ITPR2: variants seen among roughly 807,000 people sequenced by gnomAD.
The protein encoded by ITPR2 is inositol 1,4,5-trisphosphate receptor type 2, also known as inositol 1,4,5-trisphosphate-gated calcium channel ITPR2.
ITPR2 carries 207 observed loss-of-function variants against 317.1 expected under a neutral mutation model. The ratio of observed to expected loss-of-function variants is 0.65; its 90% CI spans 0.58 to 0.73. The LOEUF is 0.73. Among genes scored for constraint, ITPR2 ranks in the 30% least tolerant of loss-of-function variants. The probability of loss-of-function intolerance (pLI) is 0.00; values close to 1 mark genes in which losing one functional copy is unlikely to be tolerated. For synonymous variants in ITPR2, 1,156 were observed against 1,149.1 expected (o/e 1.01, Z -0.12); for missense variants, 2,613 against 3,284.0 (o/e 0.80, Z 4.99).
intron 37 of ITPR2, among the ~76,000 whole-genome samples, chr12:26,499,225 T>G (rs1384662950): frequency 6.6e-6 from 1 of 152,222 alleles, no homozygotes; most frequent in African/African-American, 2.4e-5. Context: ...TAAATTCTCT[T>G]CGGCAGATAT....
chr12:26,505,734 G>C (rs1361754748), intron 37 of ITPR2, among the ~76,000 whole-genome samples: 3 of 151,830 alleles, frequency 2.0e-5, no homozygotes, highest in Non-Finnish European at 4.4e-5. Context: ...CCAACACCTA[G>C]CCCCAAAGCT....
chr12:26,487,674 A>G (rs937019305), intron 39 of ITPR2, among the ~76,000 whole-genome samples: 6 of 152,324 alleles, frequency 3.9e-5, no homozygotes, highest in Middle Eastern at 3.4e-3. Flanking sequence ...ACCAACAACA[A>G]TCCTTGTTCT....
chr12:26,805,339 T>C (rs1476543771), intron 1 of ITPR2, among the ~76,000 whole-genome samples: 5 of 152,342 alleles, frequency 3.3e-5, no homozygotes, highest in African/African-American at 4.8e-5. Context: ...TACAAAGTTA[T>C]ATGCAATAAA....
chr12:26,452,245 G>GT lies in ITPR2; in HGVS notation c.6343-8596dup, dbSNP rs35964202. On this transcript the variant is annotated intron_variant, in intron 45 of 56. Coordinates refer to ENST00000381340, the MANE Select transcript of ITPR2 (RefSeq NM_002223.4). Reference sequence around the variant, plus strand: ...TGGATTCCCTTCTGAAAATCCACCAGTTTTTTTTTTTAAACCAAAATTAAA... The same window carrying GT: ...TGGATTCCCTTCTGAAAATCCACCAGTTTTTTTTTTTTAAACCAAAATTAAA... Among the ~76,000 whole-genome samples the GT allele has an allele frequency of 1.1e-3, 158 of 146,114 alleles. 2 individuals are homozygous for GT. The highest frequency in any genetic ancestry group is 1.6e-3 in the East Asian group (8 of 5,076).
chr12:26,439,379 T>C (rs2136728688), intron 46 of ITPR2, 60 bp from the exon 47 acceptor site: 1 of 1,251,886 alleles, frequency 8.0e-7, no homozygotes. Flanking sequence ...TAGACTTGCT[T>C]TTGTTTTTAA....
Position 26,628,102 on chromosome 12 carries a change from C to A in ITPR2, c.2995G>T (p.Glu999Ter), listed in dbSNP as rs780124610. Residue 999 changes from glutamate (E) to a stop codon, truncating the protein, a stop_gained, in exon 23 of 57, where the codon GAG becomes TAG. Coordinates refer to ENST00000381340, the MANE Select transcript of ITPR2 (RefSeq NM_002223.4). LOFTEE classifies it high-confidence loss of function. ...GCATTGTCATTGTCCTCTCCAAACT[C>A]CTTCTTATATATTGACAGCATATAT... ...ISYMLSIYKK[E>*]FGEDNDNAET... is the part of the protein sequence containing the mutation. 1 of 1,611,664 alleles carries A rather than the reference C, an allele frequency of 6.2e-7. No individual in the cohort carries two copies. Among genetic ancestry groups the A allele is most frequent in the South Asian group, 1.1e-5 (1 of 90,994 alleles).
chr12:26,402,611 T>C (rs1940212996), intron 52 of ITPR2, among the ~76,000 whole-genome samples: 1 of 152,212 alleles, frequency 6.6e-6, no homozygotes, highest in Non-Finnish European at 1.5e-5. Context: ...GTCATGTAAA[T>C]GGGAGGAGAA....
chr12:26,564,388 C>T (rs978648052), intron 34 of ITPR2, among the ~76,000 whole-genome samples: 1 of 152,178 alleles, frequency 6.6e-6, no homozygotes, highest in African/African-American at 2.4e-5. Context: ...AAAAGGTCCA[C>T]AATATGTTAA....
intron 37 of ITPR2, among the ~76,000 whole-genome samples, chr12:26,548,470 T>C (rs1944442333): frequency 6.6e-6 from 1 of 152,076 alleles, no homozygotes; most frequent in South Asian, 2.1e-4. Flanking sequence ...ATTAAGGGAG[T>C]CCACTAGCAC....
chr12:26,704,452 T>C (rs1466068773), intron 9 of ITPR2, among the ~76,000 whole-genome samples: 1 of 152,212 alleles, frequency 6.6e-6, no homozygotes, highest in Non-Finnish European at 1.5e-5. Flanking sequence ...CATGAGATAT[T>C]ATTGGAAGGA....
chr12:26,633,915 T>A (rs1438976748), intron 21 of ITPR2, among the ~76,000 whole-genome samples: 1 of 152,248 alleles, frequency 6.6e-6, no homozygotes, highest in Non-Finnish European at 1.5e-5. Context: ...TAGATTTGCA[T>A]GGAAAATAAT....
In ITPR2 at chr12:26,361,278, T is replaced by C. The variant is rs1305621587; in HGVS notation, c.7858-20950A>G. On this transcript the variant is annotated intron_variant, in intron 55 of 56. Transcript: ENST00000381340. ...GCTGGAAGTTGGGTTTTGAATTATGTTATCTATTGAAATCATAGCAAGATC... is the reference window on the plus strand; with the variant it reads ...GCTGGAAGTTGGGTTTTGAATTATGCTATCTATTGAAATCATAGCAAGATC... Among the ~76,000 whole-genome samples, 5 of 151,844 alleles carry C rather than the reference T, an allele frequency of 3.3e-5. No individual in the cohort carries two copies. In the East Asian group the frequency reaches 7.7e-4, roughly 23 times the overall value.
Position 26,682,680 on chromosome 12 carries a change from G to A in ITPR2, c.1149-7C>T. 1.3e-6 allele frequency: 2 copies of A among 1,579,814 alleles called. No homozygotes were observed. Among genetic ancestry groups the A allele is most frequent in the Non-Finnish European group, 1.7e-6 (2 of 1,154,032 alleles). ...TAACCGAACATATGAGTTCCTAAAA[G>A]CAAAACAATATAAAAAAACAAATTA... On this transcript the variant is annotated splice_polypyrimidine_tract_variant and splice_region_variant and intron_variant, in intron 11 of 56. Coordinates refer to ENST00000381340, the MANE Select transcript of ITPR2 (RefSeq NM_002223.4).
intron 55 of ITPR2, among the ~76,000 whole-genome samples, chr12:26,340,535 A>C (rs1313734276): frequency 6.6e-6 from 1 of 152,186 alleles, no homozygotes; most frequent in East Asian, 1.9e-4. Flanking sequence ...AGCAAACTTT[A>C]TACGGGCTTC....
chr12:26,564,240 G>C (rs1016204360), intron 34 of ITPR2, among the ~76,000 whole-genome samples: 2 of 152,142 alleles, frequency 1.3e-5, no homozygotes, highest in African/African-American at 4.8e-5. Context: ...AATAAAGAGG[G>C]TAAACCCAGG....
At chr12:26,609,906 T>C (rs148709088) in intron 26 of ITPR2, among the ~76,000 whole-genome samples, 1,663 of 152,328 alleles carry the variant, frequency 0.011, 15 homozygotes, top group Middle Eastern at 0.041. Flanking sequence ...AGGGGCTTAT[T>C]TATTGAAACT....
chr12:26,774,010 T>TC (rs150425593), intron 2 of ITPR2, among the ~76,000 whole-genome samples: 6,082 of 111,996 alleles, frequency 0.054, 726 homozygotes, highest in Non-Finnish European at 0.084. Context: ...TTTTTTTTTT[T>TC]AGTATAAAGC....
chr12:26,659,923 A>G (rs1947458687), intron 15 of ITPR2, among the ~76,000 whole-genome samples: 1 of 152,218 alleles, frequency 6.6e-6, no homozygotes. Flanking sequence ...TATACTTTTT[A>G]TCTTTAAAAA....
intron 1 of ITPR2, among the ~76,000 whole-genome samples, chr12:26,807,049 C>T (rs1950649560): frequency 6.6e-6 from 1 of 151,984 alleles, no homozygotes; most frequent in African/African-American, 2.4e-5. Context: ...ATTAGCCAGG[C>T]ATGGTGGTGC....
Sources: allele counts gnomAD v4.1 joint callset (sites outside exome capture counted in the v4.1 genomes callset), GRCh38; gene constraint gnomAD v4.1.1; transcripts MANE v1.5; gene names NCBI Gene and HGNC (gene_info 2026-07-23, HGNC 2026-07-21).